The following OSBPL10 variants were observed in gnomAD, a reference collection of about 807,000 sequenced individuals.
OSBPL10 encodes the protein oxysterol-binding protein-related protein 10.
In OSBPL10, 49 loss-of-function variants were observed where a neutral mutation model predicts 81.7. That is an observed-to-expected ratio of 0.60 (90% CI 0.48 to 0.76). The LOEUF (loss-of-function observed/expected upper bound fraction) is 0.76. Among genes scored for constraint, OSBPL10 ranks in the 30% least tolerant of loss-of-function variants. The pLI is 0.00. For missense variants in OSBPL10, 923 were observed against 987.8 expected (o/e 0.93, Z 0.88); for synonymous variants, 419 against 383.6 (o/e 1.09, Z -1.08).
chr3:31,766,305 T>C (rs1177043314), intron 4 of OSBPL10, among the ~76,000 whole-genome samples: 2 of 150,594 alleles, frequency 1.3e-5, no homozygotes, highest in African/African-American at 4.9e-5. Context: ...TGCTCTGTGA[T>C]GTTTGGCCCA....
intron 4 of OSBPL10, among the ~76,000 whole-genome samples, chr3:31,797,371 G>A (rs1270575338): frequency 6.6e-6 from 1 of 152,130 alleles, no homozygotes; most frequent in Non-Finnish European, 1.5e-5. Context: ...AGAAAAGAAA[G>A]GTAAGATACT....
rs572901298 is a variant in OSBPL10 at position 31,957,689 on chromosome 3, G to A, written c.281+23210C>T. Reference sequence around the variant, plus strand: ...GGAGTCTTGCTCTGTCGCCCTGGCTGGAGTGCAGTGGTGCAATCTCGGCTC... The same window carrying A: ...GGAGTCTTGCTCTGTCGCCCTGGCTAGAGTGCAGTGGTGCAATCTCGGCTC... On this transcript the variant is annotated intron_variant, in intron 1 of 11. Coordinates refer to ENST00000396556, the MANE Select transcript of OSBPL10 (RefSeq NM_017784.5). Among the ~76,000 whole-genome samples, 5 of 152,272 alleles carry A rather than the reference G, an allele frequency of 3.3e-5. No individual in the cohort carries two copies. The South Asian group carries it at 8.3e-4, about 25-fold the overall frequency.
intron 4 of OSBPL10, among the ~76,000 whole-genome samples, chr3:31,815,241 A>G (rs543910178): frequency 2.0e-5 from 3 of 150,996 alleles, no homozygotes; most frequent in East Asian, 2.0e-4. Flanking sequence ...CCGCCCCCCA[A>G]TAATTCCACA....
intron 4 of OSBPL10, among the ~76,000 whole-genome samples, chr3:31,782,424 C>A (rs1559462572): frequency 6.6e-6 from 1 of 152,070 alleles, no homozygotes. Flanking sequence ...GCAACAACAA[C>A]AAAAAGATAA....
chr3:31,930,338 A>C (rs1199486036), intron 1 of OSBPL10, among the ~76,000 whole-genome samples: 2 of 152,210 alleles, frequency 1.3e-5, no homozygotes, highest in Non-Finnish European at 2.9e-5. Context: ...TCAAAACCAC[A>C]TCCTATTGAT....
rs5847713 is a variant in OSBPL10 at position 31,748,643 on chromosome 3, C to CAAAA, written c.730-527_730-524dup. On this transcript the variant is annotated intron_variant, in intron 4 of 11. Transcript: ENST00000396556. ...ATGCTGAGCCCCCTTCGCTCGCTTGCAAAAAAAAAAAAAAAAATGCTAAAC... is the reference window on the plus strand; with the variant it reads ...ATGCTGAGCCCCCTTCGCTCGCTTGCAAAAAAAAAAAAAAAAAAAAATGCTAAAC... Among the ~76,000 whole-genome samples, 304 of 127,654 alleles carry CAAAA rather than the reference C, an allele frequency of 2.4e-3. 3 individuals carry two copies. The highest frequency in any genetic ancestry group is 0.015 in the East Asian group (67 of 4,354). 83.7% of individuals were successfully genotyped at this position (127,654 alleles called of 152,430 possible).
At chr3:31,743,143 C>G (rs67856546) in intron 5 of OSBPL10, among the ~76,000 whole-genome samples, 2 of 146,144 alleles carry the variant, frequency 1.4e-5, no homozygotes, top group African/African-American at 2.5e-5. Flanking sequence ...AGGGTTCAAG[C>G]GAATCTCCTG....
intron 4 of OSBPL10, among the ~76,000 whole-genome samples, chr3:31,772,491 A>G (rs1158654530): frequency 1.3e-5 from 2 of 152,194 alleles, no homozygotes; most frequent in East Asian, 3.8e-4. Flanking sequence ...CATTTTACCA[A>G]AGAGAAAATG....
intron 1 of OSBPL10, among the ~76,000 whole-genome samples, chr3:32,069,938 G>A (rs567502890): frequency 6.6e-6 from 1 of 152,180 alleles, no homozygotes; most frequent in Non-Finnish European, 1.5e-5. Context: ...CCTAAGACAT[G>A]CCCTGTCTGT....
intron 1 of OSBPL10, among the ~76,000 whole-genome samples, chr3:31,948,809 A>T (rs150014921): frequency 1.6e-4 from 24 of 152,232 alleles, no homozygotes; most frequent in Non-Finnish European, 2.9e-4. Flanking sequence ...GACATTCAAG[A>T]AGGAATTGAC....
At chr3:32,058,037 G>C (rs1206501570) in intron 1 of OSBPL10, among the ~76,000 whole-genome samples, 2 of 152,218 alleles carry the variant, frequency 1.3e-5, no homozygotes, top group Non-Finnish European at 2.9e-5. Flanking sequence ...ATCAGGAAAT[G>C]AAGACCATTG....
chr3:31,759,124 A>G (rs546285858), intron 4 of OSBPL10, among the ~76,000 whole-genome samples: 1 of 152,066 alleles, frequency 6.6e-6, no homozygotes, highest in African/African-American at 2.4e-5. Context: ...ACATGTAAAC[A>G]TGTTGGTAAC....
At chr3:31,809,818 G>A (rs181574911) in intron 4 of OSBPL10, among the ~76,000 whole-genome samples, 18 of 150,898 alleles carry the variant, frequency 1.2e-4, no homozygotes, top group Admixed American at 8.5e-4. Flanking sequence ...CAAAAAATGG[G>A]ATTGGAAAAC....
chr3:32,037,729 A>G (rs1443225233), intron 2 of OSBPL10: 1 of 157,086 alleles, frequency 6.4e-6, no homozygotes, highest in South Asian at 1.9e-4. Flanking sequence ...GTGCAGATCA[A>G]CCTCCACCCA....
chr3:31,798,863 A>G (rs547585007), intron 4 of OSBPL10, among the ~76,000 whole-genome samples: 9 of 152,288 alleles, frequency 5.9e-5, no homozygotes, highest in African/African-American at 1.9e-4. Context: ...TCTTTTTGGC[A>G]CCAGTGACCA....
At chr3:31,930,026 A>AAG in intron 1 of OSBPL10, among the ~76,000 whole-genome samples, 1 of 146,788 alleles carries the variant, frequency 6.8e-6, no homozygotes, top group South Asian at 2.2e-4. Context: ...AAAAAAAAAA[A>AAG]CAGGTGTGGT....
intron 6 of OSBPL10, among the ~76,000 whole-genome samples, chr3:31,703,322 C>T (rs137984986): frequency 5.3e-5 from 8 of 152,302 alleles, no homozygotes; most frequent in African/African-American, 1.9e-4. Flanking sequence ...ACATTCCACA[C>T]TCCACATTTA....
intron 7 of OSBPL10, among the ~76,000 whole-genome samples, chr3:31,694,362 C>A (rs1695648653): frequency 1.2e-5 from 1 of 84,130 alleles, no homozygotes. Flanking sequence ...CAGAGTAAGA[C>A]TCTGTCTCAA....
At chr3:31,800,407 G>A (rs565339651) in intron 4 of OSBPL10, among the ~76,000 whole-genome samples, 1 of 152,356 alleles carries the variant, frequency 6.6e-6, no homozygotes, top group South Asian at 2.1e-4. Context: ...TCGGCAAGCA[G>A]TTGGGCCCAG....
Sources: allele counts gnomAD v4.1 joint callset (sites outside exome capture counted in the v4.1 genomes callset), GRCh38; gene constraint gnomAD v4.1.1; transcripts MANE v1.5; gene names NCBI Gene and HGNC (gene_info 2026-07-23, HGNC 2026-07-21).